HNRNPM: variants seen among roughly 807,000 people sequenced by gnomAD.
The protein encoded by HNRNPM is CEA receptor.
HNRNPM carries 11 observed loss-of-function variants against 73.1 expected under a neutral mutation model. That is an observed-to-expected ratio of 0.15 (90% CI 0.09 to 0.25). The LOEUF is 0.25. Among genes scored for constraint, HNRNPM ranks in the 10% least tolerant of loss-of-function variants. HNRNPM has a pLI of 1.00. For synonymous variants in HNRNPM, 407 were observed against 355.2 expected (o/e 1.15, Z -1.64); for missense variants, 789 against 1,067.9 (o/e 0.74, Z 3.64).
intron 1 of HNRNPM, among the ~76,000 whole-genome samples, chr19:8,447,321 C>T (rs554767516): frequency 6.9e-6 from 1 of 145,966 alleles, no homozygotes; most frequent in Admixed American, 7.0e-5. Context: ...TATACTTTTG[C>T]ACTCCATGCA....
At chr19:8,469,513 A>G (rs900245182) in intron 9 of HNRNPM, among the ~76,000 whole-genome samples, 2 of 152,234 alleles carry the variant, frequency 1.3e-5, no homozygotes, top group Non-Finnish European at 2.9e-5. Flanking sequence ...AATAATTTGT[A>G]TGCAGAGGGG....
intron 12 of HNRNPM, 111 bp from the exon 13 acceptor site, chr19:8,483,047 T>A (rs1971031715): frequency 1.4e-6 from 1 of 698,040 alleles, no homozygotes; most frequent in Non-Finnish European, 2.5e-6. Context: ...CCCCTTTCCC[T>A]TTATCTTGTC....
intron 2 of HNRNPM, among the ~76,000 whole-genome samples, chr19:8,461,205 T>C (rs1313565374): frequency 6.6e-6 from 1 of 152,254 alleles, no homozygotes; most frequent in African/African-American, 2.4e-5. Context: ...ACACTTGGCT[T>C]TCTTGCCTTC....
intron 12 of HNRNPM, among the ~76,000 whole-genome samples, chr19:8,478,086 T>A (rs1273172216): frequency 1.3e-5 from 2 of 152,202 alleles, no homozygotes; most frequent in Admixed American, 1.3e-4. Flanking sequence ...ACGTTTGATT[T>A]AGCTGCACTG....
chr19:8,447,819 G>GAT (rs1968312957), intron 1 of HNRNPM, among the ~76,000 whole-genome samples: 1 of 152,204 alleles, frequency 6.6e-6, no homozygotes, highest in African/African-American at 2.4e-5. Flanking sequence ...GAGGTCAGGA[G>GAT]ATAGAGACCA....
In HNRNPM at chr19:8,488,747, G is replaced by A; in HGVS notation, c.2086G>A (p.Val696Met). 1 of 1,614,156 alleles carries A rather than the reference G, an allele frequency of 6.2e-7. No individual in the cohort carries two copies. Among genetic ancestry groups the A allele is most frequent in the African/African-American group, 1.3e-5 (1 of 75,030 alleles). The change falls in exon 16 of 16, where the codon GTG becomes ATG. Residue 696 changes from valine (V) to methionine (M), a missense_variant. By Grantham distance (21) the Val-to-Met change is conservative. Around this residue, in one of 4 missense-constraint regions of HNRNPM, gnomAD observed 43 missense variants for 105.8 expected, o/e 0.41. Coordinates refer to ENST00000325495, the MANE Select transcript of HNRNPM (RefSeq NM_005968.5). Reference protein sequence around the residue: ...MENGKSKGCGVVKFESPEVAE... With the variant: ...MENGKSKGCGMVKFESPEVAE... ...GAATGGGAAGTCCAAGGGGTGTGGC[G>A]TGGTTAAGTTCGAGTCGCCAGAGGT... is the stretch of plus-strand genomic sequence containing the variant.
chr19:8,481,132 A>G (rs1970887652), intron 12 of HNRNPM, among the ~76,000 whole-genome samples: 1 of 152,148 alleles, frequency 6.6e-6, no homozygotes, highest in African/African-American at 2.4e-5. Context: ...TAGGCAGTAG[A>G]TCTTTGCACT....
Position 8,488,776 on chromosome 19 carries a change from C to T in HNRNPM, c.2115C>T (p.Ala705=), listed in dbSNP as rs762792107. The T allele has an allele frequency of 1.4e-5, 23 of 1,613,290 alleles. No homozygotes were observed. Among genetic ancestry groups the T allele is most frequent in the African/African-American group, 5.3e-5 (4 of 74,868 alleles). ...GVVKFESPEV[A]ERACRMMNGM... ...TTAAGTTCGAGTCGCCAGAGGTGGCCGAGAGAGCCTGCCGGATGATGAATG... is the reference window on the plus strand; with the variant it reads ...TTAAGTTCGAGTCGCCAGAGGTGGCTGAGAGAGCCTGCCGGATGATGAATG... The change falls in exon 16 of 16, where the codon GCC becomes GCT. Residue 705 remains alanine, a synonymous_variant. Transcript: ENST00000325495.
At chr19:8,480,536 G>A (rs1197916439) in intron 12 of HNRNPM, among the ~76,000 whole-genome samples, 1 of 151,576 alleles carries the variant, frequency 6.6e-6, no homozygotes, top group East Asian at 1.9e-4. Context: ...GCGTGGTGGT[G>A]CATGCTGTAA....
intron 2 of HNRNPM, among the ~76,000 whole-genome samples, chr19:8,459,291 G>A (rs958409977): frequency 6.6e-6 from 1 of 152,222 alleles, no homozygotes; most frequent in African/African-American, 2.4e-5. Context: ...CAGCAGTGCA[G>A]CCTGTCTGGC....
At chr19:8,470,910 A>G (rs1025856200) in intron 9 of HNRNPM, among the ~76,000 whole-genome samples, 1 of 152,030 alleles carries the variant, frequency 6.6e-6, no homozygotes, top group Non-Finnish European at 1.5e-5. Context: ...CAGGATGTTG[A>G]TTGGCTGGTT....
intron 2 of HNRNPM, among the ~76,000 whole-genome samples, chr19:8,458,124 T>C (rs1568267132): frequency 6.6e-6 from 1 of 151,192 alleles, no homozygotes; most frequent in Non-Finnish European, 1.5e-5. Context: ...GAGCTTTTTT[T>C]CTAAGGATAC....
chr19:8,477,795 C>T (rs924586407), intron 12 of HNRNPM, among the ~76,000 whole-genome samples: 45 of 152,038 alleles, frequency 3.0e-4, no homozygotes, highest in African/African-American at 8.0e-4. Context: ...ACATACGTCT[C>T]GCCATGCACA....
At chr19:8,482,076 G>A (rs985555456) in intron 12 of HNRNPM, among the ~76,000 whole-genome samples, 2 of 148,728 alleles carry the variant, frequency 1.3e-5, no homozygotes, top group African/African-American at 2.5e-5. Flanking sequence ...GGGTTCAAGC[G>A]ATTCTCCCGC....
chr19:8,485,805 G>A lies in HNRNPM; in HGVS notation c.1377G>A (p.Pro459=), dbSNP rs140033234. ...GCTCCGGCATTGAGCGCATGGGCCC[G>A]CTGGGCCTCGACCACATGGCCTCCA... ...RMGSGIERMG[P]LGLDHMASSI... is the part of the protein sequence containing the mutation. The change falls in exon 14 of 16, where the codon CCG becomes CCA. Residue 459 remains proline, a synonymous_variant. Transcript: ENST00000325495. 703 of 1,601,732 alleles carry A rather than the reference G, an allele frequency of 4.4e-4. 1 individual carries two copies. The highest frequency in any genetic ancestry group is 4.0e-3 in the African/African-American group (297 of 74,364).
chr19:8,466,972 G>C (rs1041166781), intron 7 of HNRNPM, among the ~76,000 whole-genome samples: 2 of 152,100 alleles, frequency 1.3e-5, no homozygotes, highest in Non-Finnish European at 2.9e-5. Context: ...GTTTGAAGGA[G>C]GAAGTCCAAA....
chr19:8,459,374 C>G (rs1969243216), intron 2 of HNRNPM, among the ~76,000 whole-genome samples: 1 of 152,012 alleles, frequency 6.6e-6, no homozygotes, highest in Non-Finnish European at 1.5e-5. Flanking sequence ...GGAGCGTGGG[C>G]TCAGTCATTT....
At chr19:8,467,608 G>A (rs746421896) in intron 8 of HNRNPM, 24 bp downstream of exon 8, 2 of 1,549,672 alleles carry the variant, frequency 1.3e-6, no homozygotes, top group Admixed American at 3.3e-5. Flanking sequence ...ATCTTTCTCT[G>A]TGATATACTC....
intron 12 of HNRNPM, among the ~76,000 whole-genome samples, chr19:8,479,035 TG>T (rs1479209733): frequency 2.0e-5 from 3 of 151,910 alleles, no homozygotes; most frequent in Non-Finnish European, 4.4e-5. Context: ...TTTTCAGTTT[TG>T]GTTAGGTGGC....
Sources: gnomAD v4.1 joint callset for allele counts (sites outside exome capture counted in the v4.1 genomes callset) on GRCh38, gnomAD v4.1.1 for gene constraint, gnomAD v4.1.1 regional missense constraint, MANE v1.5 for transcripts, NCBI Gene and HGNC (gene_info 2026-07-23, HGNC 2026-07-21) for gene names.